DGKB: variants seen among roughly 807,000 people sequenced by gnomAD.
DGKB encodes the protein 90 kDa diacylglycerol kinase.
Under a neutral mutation model 114.3 loss-of-function variants are expected in DGKB, and 67 were observed. That is an observed-to-expected ratio of 0.59 (90% confidence interval 0.48 to 0.72). The LOEUF is 0.72. DGKB is among the 30% of genes least tolerant of loss of function. The probability of loss-of-function intolerance (pLI) is 0.00; values close to 1 mark genes in which losing one functional copy is unlikely to be tolerated. For synonymous variants in DGKB, 398 were observed against 323.1 expected, an observed-to-expected ratio of 1.23 and a Z score of -2.49; for missense variants, 907 against 975.2, an observed-to-expected ratio of 0.93 and a Z score of 0.93.
chr7:14,605,489 A>G (rs536828064), intron 17 of DGKB, among the ~76,000 whole-genome samples: 23 of 151,580 alleles, frequency 1.5e-4, no homozygotes, highest in South Asian at 1.5e-3. Flanking sequence ...AACAACCACA[A>G]TAATAATTTC....
chr7:14,372,261 C>T (rs371294225), intron 21 of DGKB, among the ~76,000 whole-genome samples: 12 of 152,118 alleles, frequency 7.9e-5, no homozygotes, highest in East Asian at 1.9e-4. Context: ...CCAACAACCC[C>T]GGGAACTGGG....
At chr7:14,578,159 CACCTG>C (rs1397005191) in intron 19 of DGKB, among the ~76,000 whole-genome samples, 1 of 152,146 alleles carries the variant, frequency 6.6e-6, no homozygotes, top group East Asian at 1.9e-4. Context: ...TTGCTTCTCT[CACCTG>C]CTGCCATGTA....
At chr7:14,543,128 T>C (rs1197434788) in intron 20 of DGKB, among the ~76,000 whole-genome samples, 1 of 152,152 alleles carries the variant, frequency 6.6e-6, no homozygotes, top group East Asian at 1.9e-4. Context: ...TTATTAATAC[T>C]ACAGTATATG....
At chr7:14,537,293 T>G (rs938635333) in intron 20 of DGKB, among the ~76,000 whole-genome samples, 3 of 152,160 alleles carry the variant, frequency 2.0e-5, no homozygotes, top group Admixed American at 1.3e-4. Context: ...ATCAAAGATA[T>G]TTTTATACAG....
chr7:14,922,350 T>G (rs1306589210), intron 1 of DGKB, among the ~76,000 whole-genome samples: 1 of 150,158 alleles, frequency 6.7e-6, no homozygotes, highest in Admixed American at 6.7e-5. Context: ...TATGTATATA[T>G]GTCTACATAT....
intron 21 of DGKB, among the ~76,000 whole-genome samples, chr7:14,359,101 G>GATATAT (rs144055630): frequency 2.7e-4 from 40 of 149,674 alleles, no homozygotes; most frequent in African/African-American, 8.6e-4. Context: ...TACCAAAACA[G>GATATAT]ATATATATAT....
At chr7:14,265,259 T>C (rs909857389) in intron 23 of DGKB, among the ~76,000 whole-genome samples, 1 of 150,636 alleles carries the variant, frequency 6.6e-6, no homozygotes, top group African/African-American at 2.4e-5. Context: ...CTTACTTCTC[T>C]GATCCTACTG....
At chr7:14,348,485 A>T (rs1812866859) in intron 21 of DGKB, among the ~76,000 whole-genome samples, 1 of 152,042 alleles carries the variant, frequency 6.6e-6, no homozygotes, top group Non-Finnish European at 1.5e-5. Flanking sequence ...ACCAAAATAG[A>T]TATACAGATG....
intron 23 of DGKB, among the ~76,000 whole-genome samples, chr7:14,260,634 C>G (rs778352673): frequency 6.6e-6 from 1 of 152,132 alleles, no homozygotes; most frequent in Non-Finnish European, 1.5e-5. Flanking sequence ...AGGTTAGGAA[C>G]TTTCTATCGG....
chr7:14,393,764 T>C (rs1173248528), intron 21 of DGKB, among the ~76,000 whole-genome samples: 2 of 152,228 alleles, frequency 1.3e-5, no homozygotes, highest in Non-Finnish European at 2.9e-5. Context: ...GTTTTTATAG[T>C]GTCTAACGAT....
intron 21 of DGKB, among the ~76,000 whole-genome samples, chr7:14,385,091 T>C (rs749202232): frequency 1.6e-4 from 25 of 152,138 alleles, no homozygotes; most frequent in Non-Finnish European, 3.4e-4. Context: ...GTTTTTATTC[T>C]CCGAATGAAA....
chr7:14,288,993 C>T lies in DGKB; in HGVS notation c.2122+49522G>A, dbSNP rs556622619. 6.6e-4 allele frequency among the ~76,000 whole-genome samples: 100 copies of T among 152,222 alleles called. 2 individuals carry two copies. The highest frequency in any genetic ancestry group is 3.4e-3 in the Middle Eastern group (1 of 292). On this transcript the variant is annotated intron_variant, in intron 23 of 25. Coordinates refer to ENST00000402815, the MANE Select transcript of DGKB (RefSeq NM_001350709.2). The stretch of plus-strand genomic sequence containing the variant: ...ACAGCAATACAGAATGATGTGACAA[C>T]GACAGAGTTTTGGAATACTGTTTGT...
intron 9 of DGKB, among the ~76,000 whole-genome samples, chr7:14,690,124 T>A (rs1199696774): frequency 2.0e-5 from 3 of 152,212 alleles, no homozygotes; most frequent in African/African-American, 7.2e-5. Context: ...TAATATAAAT[T>A]CAGGAATTTT....
At chr7:14,155,984 A>T (rs1223284530) in intron 25 of DGKB, among the ~76,000 whole-genome samples, 1 of 152,134 alleles carries the variant, frequency 6.6e-6, no homozygotes, top group East Asian at 1.9e-4. Flanking sequence ...ACTGAAGACC[A>T]GTGGGGCATA....
intron 14 of DGKB, among the ~76,000 whole-genome samples, chr7:14,627,800 G>A (rs896741755): frequency 5.9e-5 from 9 of 151,768 alleles, no homozygotes; most frequent in East Asian, 1.9e-4. Context: ...AAAATTAGCC[G>A]GGCGTGGTCA....
At chr7:14,304,063 ACACACACACACACACACACACACACT>A (rs1243037634) in intron 23 of DGKB, among the ~76,000 whole-genome samples, 129 of 58,008 alleles carry the variant, frequency 2.2e-3, no homozygotes, top group African/African-American at 0.011. Flanking sequence ...ACACACACAC[ACACACACACACACACACACACACACT>A]CTCTCTCTCT....
chr7:14,813,205 C>A (rs972760951), intron 2 of DGKB, among the ~76,000 whole-genome samples: 2 of 152,108 alleles, frequency 1.3e-5, no homozygotes, highest in Admixed American at 1.3e-4. Context: ...CTCGGCGTTC[C>A]TTGCTTTAAG....
intron 23 of DGKB, among the ~76,000 whole-genome samples, chr7:14,268,192 C>T (rs543784202): frequency 1.4e-5 from 2 of 147,036 alleles, no homozygotes; most frequent in Admixed American, 1.4e-4. Context: ...TAAAATCACA[C>T]ACACCCATAG....
rs544118940 is a variant in DGKB at position 14,425,809 on chromosome 7, G to A, written c.1835+52352C>T. On this transcript the variant is annotated intron_variant, in intron 21 of 25. Coordinates refer to ENST00000402815, the MANE Select transcript of DGKB (RefSeq NM_001350709.2). ...GATGATTAATAGTATCTTCTTTGGT[G>A]CCTAATCAGTGCAGTCTCATAGCAT... Among the ~76,000 whole-genome samples, 7 of 152,198 alleles carry A rather than the reference G, an allele frequency of 4.6e-5. No individual in the cohort carries two copies. In the South Asian group the frequency reaches 1.5e-3, roughly 32 times the overall value.
Sources: gnomAD v4.1 joint callset for allele counts (sites outside exome capture counted in the v4.1 genomes callset) on GRCh38, gnomAD v4.1.1 for gene constraint, MANE v1.5 for transcripts, NCBI Gene and HGNC (gene_info 2026-07-23, HGNC 2026-07-21) for gene names.